The following EAPP variants were observed in gnomAD, a reference collection of about 807,000 sequenced individuals.
EAPP encodes the protein E2F-associated phosphoprotein.
In EAPP, 38 loss-of-function variants were observed where a neutral mutation model predicts 34.3. That is an observed-to-expected ratio of 1.11 (90% CI 0.85 to 1.45). EAPP has a LOEUF of 1.45. Ranked by LOEUF, EAPP falls within the 40% of genes most tolerant of loss-of-function variation. The probability of loss-of-function intolerance (pLI) is 0.00; values close to 1 mark genes in which losing one functional copy is unlikely to be tolerated. For synonymous variants in EAPP, 113 were observed against 117.6 expected (o/e 0.96, Z 0.25); for missense variants, 338 against 343.7 (o/e 0.98, Z 0.13).
At chr14:34,539,426 C>A (rs755936205) in intron 1 of EAPP, 129 bp downstream of exon 1, 3 of 1,049,038 alleles carry the variant, frequency 2.9e-6, no homozygotes, top group Non-Finnish European at 4.3e-6. Context: ...TGGCTTCGCA[C>A]AAGTAACAGG....
In EAPP at chr14:34,516,341, T is replaced by A. The variant is rs1323235643; in HGVS notation, c.827A>T (p.His276Leu). ...VAVYDKDEVF[H>L]FFNVLASHS is the part of the protein sequence containing the mutation. ...ATGGCTTGCTAAAACATTGAAAAAA[T>A]GAAAGACTTCATCCTTGTCGTAGAC... Residue 276 changes from histidine (H) to leucine (L), a missense_variant, in exon 6 of 6, where the codon CAT becomes CTT. Physicochemically the swap from His to Leu is moderately conservative, Grantham distance 99 (BLOSUM62 -3). Coordinates refer to ENST00000250454, the MANE Select transcript of EAPP (RefSeq NM_018453.4). The A allele has an allele frequency of 6.2e-7, 1 of 1,612,684 alleles. No homozygotes were observed. Among genetic ancestry groups the A allele is most frequent in the Non-Finnish European group, 8.5e-7 (1 of 1,179,246 alleles).
intron 5 of EAPP, among the ~76,000 whole-genome samples, chr14:34,517,381 T>C (rs890982336): frequency 6.6e-6 from 1 of 151,604 alleles, no homozygotes; most frequent in African/African-American, 2.4e-5. Flanking sequence ...CCCAAGTAGC[T>C]GGGATTACAG....
chr14:34,518,880 C>T (rs560493383), intron 5 of EAPP, among the ~76,000 whole-genome samples: 4 of 152,120 alleles, frequency 2.6e-5, no homozygotes, highest in African/African-American at 9.7e-5. Context: ...CAAGTTTCTT[C>T]TAGGCAGCAT....
intron 1 of EAPP, among the ~76,000 whole-genome samples, chr14:34,536,991 G>C (rs4403966): frequency 0.02 from 3,030 of 152,014 alleles, 94 homozygotes; most frequent in African/African-American, 0.064. Context: ...GGATCTCTCT[G>C]TATTATTTCT....
chr14:34,539,295 G>C (rs913851164), intron 1 of EAPP: 2 of 661,016 alleles, frequency 3.0e-6, no homozygotes, highest in African/African-American at 1.8e-5. Flanking sequence ...GACAGGTTTC[G>C]ATCTCATTGC....
chr14:34,525,030 G>A (rs1483762490), intron 4 of EAPP, among the ~76,000 whole-genome samples: 2 of 152,022 alleles, frequency 1.3e-5, no homozygotes, highest in Admixed American at 1.3e-4. Flanking sequence ...AGGGAAACAG[G>A]AGCCAACTGA....
At chr14:34,534,023 C>T (rs1027525321) in intron 2 of EAPP, among the ~76,000 whole-genome samples, 2 of 152,082 alleles carry the variant, frequency 1.3e-5, no homozygotes, top group Non-Finnish European at 2.9e-5. Context: ...ATCCCTAATT[C>T]CTCTTAGTTA....
In EAPP at chr14:34,516,245, A is replaced by G; in HGVS notation, c.*65T>C. ...TCACTGAAGGATATGAACAGGCAAG[A>G]GGAAAGTAACTGTCCATATTTGCCT... On this transcript the variant is annotated 3_prime_UTR_variant, in exon 6 of 6. Coordinates refer to ENST00000250454, the MANE Select transcript of EAPP (RefSeq NM_018453.4). 1 of 1,442,728 alleles carries G rather than the reference A, an allele frequency of 6.9e-7. No homozygotes were observed. The highest frequency in any genetic ancestry group is 9.4e-7 in the Non-Finnish European group (1 of 1,067,434). 89.4% of individuals were successfully genotyped at this position (1,442,728 alleles called of 1,614,324 possible). A position where few individuals can be genotyped will look rare whatever the true frequency, so the allele number is the denominator to read the frequency against.
At chr14:34,530,292 AG>A (rs1041884557) in intron 3 of EAPP, among the ~76,000 whole-genome samples, 2 of 151,926 alleles carry the variant, frequency 1.3e-5, no homozygotes, top group African/African-American at 4.8e-5. Flanking sequence ...TAGAGCTTTG[AG>A]GGGCTGAGAC....
At chr14:34,536,944 A>C (rs914761320) in intron 1 of EAPP, among the ~76,000 whole-genome samples, 2 of 152,122 alleles carry the variant, frequency 1.3e-5, no homozygotes, top group Non-Finnish European at 2.9e-5. Context: ...GTTTTGTAGT[A>C]TGTTAACACT....
chr14:34,536,458 A>ATTTTTTTTTTTTTTTTTTTTTTTT (rs5807779), intron 1 of EAPP, 183 bp from the exon 2 acceptor site: 1 of 126,138 alleles, frequency 7.9e-6, no homozygotes, highest in African/African-American at 4.5e-5. Context: ...ATCTTCTTTA[A>ATTTTTTTTTTTTTTTTTTTTTTTT]TTTTTTTTTT....
At chr14:34,526,602 T>C (rs1408068495) in intron 4 of EAPP, among the ~76,000 whole-genome samples, 1 of 146,252 alleles carries the variant, frequency 6.8e-6, no homozygotes. Context: ...TAAACAAGCA[T>C]AAACCGGGCA....
chr14:34,517,389 C>T lies in EAPP; in HGVS notation c.582-803G>A, dbSNP rs559171949. On this transcript the variant is annotated intron_variant, in intron 5 of 5. Transcript: ENST00000250454. The stretch of plus-strand genomic sequence containing the variant: ...TCAGCCTCCCAAGTAGCTGGGATTA[C>T]AGGAATGCACCACCACACCTGGCTA... Among the ~76,000 whole-genome samples, 3 of 151,042 alleles carry T rather than the reference C, an allele frequency of 2.0e-5. No individual in the cohort carries two copies. In the South Asian group the frequency reaches 6.3e-4, roughly 32 times the overall value.
intron 2 of EAPP, among the ~76,000 whole-genome samples, chr14:34,534,834 C>T (rs1487613610): frequency 9.3e-6 from 1 of 107,696 alleles, no homozygotes; most frequent in African/African-American, 3.3e-5. Context: ...GACCCTGTCT[C>T]CACAAATTTT....
chr14:34,532,622 A>G (rs55665158), intron 3 of EAPP, among the ~76,000 whole-genome samples: 5,358 of 151,406 alleles, frequency 0.035, 112 homozygotes, highest in Middle Eastern at 0.093. Context: ...CCCTAGGTAC[A>G]TCCAAGCAGC....
At chr14:34,539,478 C>G (rs1164527701) in intron 1 of EAPP, 77 bp downstream of exon 1, 11 of 1,485,396 alleles carry the variant, frequency 7.4e-6, no homozygotes, top group African/African-American at 1.4e-5. Context: ...GTAGGCTCGG[C>G]AGGCGCAACG....
Position 34,529,344 on chromosome 14 carries a change from C to A in EAPP, c.470+14G>T, listed in dbSNP as rs1880200841. ...TTTTTCTAAAGATTCTAAATATTAA[C>A]TTTAAGTTCTTACCCCCTTCTCTGT... On this transcript the variant is annotated intron_variant, in intron 4 of 5. Coordinates refer to ENST00000250454, the MANE Select transcript of EAPP (RefSeq NM_018453.4). The A allele has an allele frequency of 1.3e-6, 2 of 1,524,188 alleles. No homozygotes were observed. Among genetic ancestry groups the A allele is most frequent in the Non-Finnish European group, 1.8e-6 (2 of 1,107,748 alleles). The allele number at this position is 1,524,188 out of a possible 1,614,324, so 94.4% of individuals were successfully genotyped here.
chr14:34,521,824 C>T (rs768181165), intron 5 of EAPP, among the ~76,000 whole-genome samples: 17 of 151,644 alleles, frequency 1.1e-4, no homozygotes, highest in Non-Finnish European at 1.9e-4. Context: ...TTAGTAGAGA[C>T]GGGGTTTCAC....
chr14:34,535,684 G>A (rs1268109752), intron 2 of EAPP, among the ~76,000 whole-genome samples: 9 of 151,916 alleles, frequency 5.9e-5, no homozygotes, highest in African/African-American at 1.2e-4. Context: ...CGCCCGCCTC[G>A]GCCTCCCAAA....
Sources: allele counts gnomAD v4.1 joint callset (sites outside exome capture counted in the v4.1 genomes callset), GRCh38; gene constraint gnomAD v4.1.1; transcripts MANE v1.5; gene names NCBI Gene and HGNC (gene_info 2026-07-23, HGNC 2026-07-21).